EXOC4: variants seen among roughly 807,000 people sequenced by gnomAD.
EXOC4 encodes SEC8-like 1.
Under a neutral mutation model 107.2 loss-of-function variants are expected in EXOC4, and 71 were observed. The observed-to-expected ratio is 0.66, with a 90% CI of 0.55 to 0.81. The LOEUF is 0.81. Among genes scored for constraint, EXOC4 ranks in the 30% least tolerant of loss-of-function variants. The probability of loss-of-function intolerance (pLI) is 0.00; values close to 1 mark genes in which losing one functional copy is unlikely to be tolerated. For missense variants in EXOC4, 1,108 were observed against 1,189.6 expected (o/e 0.93, Z 1.01); for synonymous variants, 456 against 441.2 (o/e 1.03, Z -0.42).
intron 9 of EXOC4, among the ~76,000 whole-genome samples, chr7:133,603,379 A>T (rs6954842): frequency 2.6e-5 from 4 of 152,018 alleles, no homozygotes; most frequent in African/African-American, 9.7e-5. Flanking sequence ...ATCATTTCTC[A>T]CTCAAAGATG....
At chr7:133,462,805 A>G in intron 7 of EXOC4, among the ~76,000 whole-genome samples, 1 of 152,206 alleles carries the variant, frequency 6.6e-6, no homozygotes, top group Non-Finnish European at 1.5e-5. Context: ...TTTGGGAGTT[A>G]TTTAAGAAAC....
chr7:133,508,151 A>G (rs1799701330), intron 9 of EXOC4, among the ~76,000 whole-genome samples: 1 of 152,168 alleles, frequency 6.6e-6, no homozygotes, highest in African/African-American at 2.4e-5. Flanking sequence ...TAACTGAATA[A>G]TACATCATGA....
chr7:133,289,166 ACT>A, intron 3 of EXOC4, 50 bp downstream of exon 3: 9 of 1,503,232 alleles, frequency 6.0e-6, no homozygotes, highest in African/African-American at 1.4e-5. Context: ...ATGTAAAAGC[ACT>A]CTCTTTTATT....
rs140463445 is a variant in EXOC4, at chr7:133,638,318, T to C, written c.1514+8177T>C. Among the ~76,000 whole-genome samples the C allele has an allele frequency of 2.0e-4, 30 of 152,338 alleles. No individual in the cohort carries two copies. The East Asian group carries it at 5.2e-3, about 26-fold the overall frequency. On this transcript the variant is annotated intron_variant, in intron 10 of 17. Coordinates refer to ENST00000253861, the MANE Select transcript of EXOC4 (RefSeq NM_021807.4). The stretch of plus-strand genomic sequence containing the variant: ...CCAGAAGTTGAAGTTATGATGCAGT[T>C]AACTGGTTGTTGAATTTCCAGGTCT...
rs567664379 is a variant in EXOC4, at chr7:133,456,317, A to G, written c.1183-19011A>G. 7.1e-4 allele frequency among the ~76,000 whole-genome samples: 108 copies of G among 152,282 alleles called. No individual in the cohort carries two copies. In the South Asian group the frequency reaches 0.011, roughly 15 times the overall value. ...GGTTTTAGTTTTATGTGCCCAGAAG[A>G]AAGAATGGCTGCACCAAGGTCAACA... On this transcript the variant is annotated intron_variant, in intron 7 of 17. Coordinates refer to ENST00000253861, the MANE Select transcript of EXOC4 (RefSeq NM_021807.4).
the EXOC4 span, among the ~76,000 whole-genome samples, chr7:134,071,829 G>C: frequency 1.1e-4 from 16 of 152,262 alleles, no homozygotes; most frequent in East Asian, 3.1e-3. Context: ...CCCCCTCTGT[G>C]CTATTTTGAG....
chr7:134,015,427 G>A (rs773060799), intron 17 of EXOC4, among the ~76,000 whole-genome samples: 1 of 152,112 alleles, frequency 6.6e-6, no homozygotes, highest in Non-Finnish European at 1.5e-5. Flanking sequence ...AAAGTTATTT[G>A]GACTTTGTCC....
chr7:133,781,534 G>A (rs1796466075), intron 10 of EXOC4, among the ~76,000 whole-genome samples: 1 of 152,204 alleles, frequency 6.6e-6, no homozygotes, highest in South Asian at 2.1e-4. Flanking sequence ...GAATTGGAAT[G>A]GCAGTGAATG....
At chr7:133,559,207 A>G (rs912008278) in intron 9 of EXOC4, among the ~76,000 whole-genome samples, 1 of 152,038 alleles carries the variant, frequency 6.6e-6, no homozygotes, top group Non-Finnish European at 1.5e-5. Flanking sequence ...ATTTTCTCCC[A>G]GTTTGTTGCT....
intron 9 of EXOC4, among the ~76,000 whole-genome samples, chr7:133,592,409 G>A (rs1169794232): frequency 6.6e-6 from 1 of 152,118 alleles, no homozygotes; most frequent in African/African-American, 2.4e-5. Flanking sequence ...GTCCTAGAAA[G>A]ATCTACCCAG....
chr7:133,253,240 C>A (rs1794932762), intron 1 of EXOC4, 53 bp downstream of exon 1: 5 of 1,590,658 alleles, frequency 3.1e-6, no homozygotes, highest in Non-Finnish European at 4.3e-6. Context: ...GCTCGACCTC[C>A]GCTTTGGAAG....
intron 17 of EXOC4, among the ~76,000 whole-genome samples, chr7:134,026,742 T>G (rs1386505356): frequency 6.6e-6 from 1 of 152,162 alleles, no homozygotes; most frequent in Admixed American, 6.5e-5. Context: ...TGGGTTGAAA[T>G]CGTTAGAGAA....
chr7:133,996,752 T>G (rs938318712), intron 14 of EXOC4, among the ~76,000 whole-genome samples: 1 of 152,182 alleles, frequency 6.6e-6, no homozygotes, highest in African/African-American at 2.4e-5. Context: ...GTAGTATTTA[T>G]TCTGTTTTGT....
chr7:134,013,729 G>A (rs1385179859), intron 17 of EXOC4, among the ~76,000 whole-genome samples: 2 of 152,216 alleles, frequency 1.3e-5, no homozygotes, highest in Non-Finnish European at 2.9e-5. Context: ...GTATTTCAGA[G>A]AACATTTATC....
chr7:133,795,895 A>G (rs1796803758), intron 10 of EXOC4, among the ~76,000 whole-genome samples: 1 of 152,304 alleles, frequency 6.6e-6, no homozygotes, highest in East Asian at 1.9e-4. Flanking sequence ...TTTTAAAAAC[A>G]TCCTTAAGCT....
intron 10 of EXOC4, among the ~76,000 whole-genome samples, chr7:133,806,839 A>G (rs966080634): frequency 1.3e-5 from 2 of 152,204 alleles, no homozygotes; most frequent in Non-Finnish European, 2.9e-5. Context: ...TGGCAATTAT[A>G]AAAGTACCTA....
chr7:133,453,004 A>ATC (rs1798382037), intron 7 of EXOC4, among the ~76,000 whole-genome samples: 1 of 151,600 alleles, frequency 6.6e-6, no homozygotes, highest in South Asian at 2.1e-4. Context: ...TGTAAGTTTT[A>ATC]TCATGACATT....
chr7:133,470,569 G>A lies in EXOC4; in HGVS notation c.1183-4759G>A, dbSNP rs531764903. Among the ~76,000 whole-genome samples the A allele has an allele frequency of 8.5e-5, 13 of 152,254 alleles. No homozygotes were observed. The East Asian group carries it at 1.9e-3, about 23-fold the overall frequency. On this transcript the variant is annotated intron_variant, in intron 7 of 17. Transcript: ENST00000253861. The stretch of plus-strand genomic sequence containing the variant: ...CACTGGAATATGTAGACTTCCAAGT[G>A]CTTTCCAACTGTTTTGTTGTTGTTG...
chr7:133,553,007 G>A (rs984437201), intron 9 of EXOC4, among the ~76,000 whole-genome samples: 1 of 152,042 alleles, frequency 6.6e-6, no homozygotes, highest in Non-Finnish European at 1.5e-5. Context: ...TCATTGACTG[G>A]GTTAACATGC....
Sources: gnomAD v4.1 joint callset for allele counts (sites outside exome capture counted in the v4.1 genomes callset) on GRCh38, gnomAD v4.1.1 for gene constraint, MANE v1.5 for transcripts, NCBI Gene and HGNC (gene_info 2026-07-23, HGNC 2026-07-21) for gene names.